Variants in DYNC2H1 observed in about 807,000 individuals in gnomAD.
The protein encoded by DYNC2H1 is dynein cytoplasmic 2 heavy chain 1.
A neutral mutation model predicts 570.0 loss-of-function variants in DYNC2H1; 410 were observed. The observed-to-expected ratio is 0.72, with a 90% confidence interval of 0.66 to 0.78. DYNC2H1 has a LOEUF of 0.78. Among genes scored for constraint, DYNC2H1 ranks in the 30% least tolerant of loss-of-function variants. The probability of loss-of-function intolerance (pLI) is 0.00; values close to 1 mark genes in which losing one functional copy is unlikely to be tolerated. For missense variants in DYNC2H1, 4,865 were observed against 5,046.4 expected (o/e 0.96, Z 1.09); for synonymous variants, 1,688 against 1,677.6 (o/e 1.01, Z -0.15).
chr11:103,362,941 G>A (rs1289390467), intron 83 of DYNC2H1, among the ~76,000 whole-genome samples: 2 of 152,086 alleles, frequency 1.3e-5, no homozygotes, highest in Non-Finnish European at 2.9e-5. Flanking sequence ...TGAGGCAGGA[G>A]AATCACCTGA....
intron 75 of DYNC2H1, among the ~76,000 whole-genome samples, chr11:103,290,998 A>T (rs528539403): frequency 6.6e-6 from 1 of 152,218 alleles, no homozygotes; most frequent in African/African-American, 2.4e-5. Flanking sequence ...CATTTCTCCA[A>T]AAGCAGCCAT....
chr11:103,454,684 G>A (rs868820854), intron 85 of DYNC2H1, among the ~76,000 whole-genome samples: 1 of 152,104 alleles, frequency 6.6e-6, no homozygotes. Context: ...ATATTGATAT[G>A]TATTTCTCCA....
chr11:103,147,255 AAAGT>A (rs1860284980), intron 18 of DYNC2H1, among the ~76,000 whole-genome samples: 1 of 152,176 alleles, frequency 6.6e-6, no homozygotes, highest in African/African-American at 2.4e-5. Context: ...TTGAAGATTC[AAAGT>A]AACCATTCAT....
intron 12 of DYNC2H1, among the ~76,000 whole-genome samples, chr11:103,127,182 C>G (rs1028123301): frequency 6.6e-6 from 1 of 151,994 alleles, no homozygotes; most frequent in Non-Finnish European, 1.5e-5. Flanking sequence ...TCAGTCAGAG[C>G]GACTACTTAA....
chr11:103,215,913 G>C, intron 55 of DYNC2H1, 55 bp downstream of exon 55: 1 of 1,553,250 alleles, frequency 6.4e-7, no homozygotes, highest in Non-Finnish European at 8.7e-7. Flanking sequence ...ATTTATGCCT[G>C]ATAGTCAGTG....
At chr11:103,175,900 TA>T (rs1055239438) in intron 36 of DYNC2H1, among the ~76,000 whole-genome samples, 2 of 152,170 alleles carry the variant, frequency 1.3e-5, no homozygotes, top group Non-Finnish European at 2.9e-5. Context: ...ACCTACTTTA[TA>T]GGGTTGTTAA....
Position 103,307,805 on chromosome 11 carries a change from C to G in DYNC2H1, c.11467C>G (p.Gln3823Glu), listed in dbSNP as rs761142209. The G allele has an allele frequency of 6.3e-7, 1 of 1,599,804 alleles. No homozygotes were observed. ...VHPNFTPILL[Q>E]SSLKITYESP... is the part of the protein sequence containing the mutation. ...TCCCAACTTTACTCCTATTTTACTA[C>G]AGTCAAGTCTGAAGATAACATATGA... is the stretch of plus-strand genomic sequence containing the variant. Residue 3823 changes from glutamine to glutamate, a missense_variant, in exon 78 of 89, where the codon CAG becomes GAG. Physicochemically the swap from Gln to Glu is conservative, Grantham distance 29. Around this residue, in one of 5 missense-constraint regions of DYNC2H1, gnomAD observed 2,401 missense variants for 2,454.6 expected, o/e 0.98. Transcript: ENST00000375735.
At chr11:103,178,978 CA>C (rs754729328) in intron 38 of DYNC2H1, 47 bp from the exon 39 acceptor site, 1 of 1,496,292 alleles carries the variant, frequency 6.7e-7, no homozygotes. Flanking sequence ...TAATTATTAT[CA>C]CTGCATATAT....
intron 83 of DYNC2H1, among the ~76,000 whole-genome samples, chr11:103,364,449 T>C (rs1014483034): frequency 2.0e-5 from 3 of 152,176 alleles, no homozygotes; most frequent in African/African-American, 7.2e-5. Flanking sequence ...GAATCCCAAC[T>C]TCTGTGTCAT....
chr11:103,337,919 G>A (rs931945806), intron 82 of DYNC2H1, among the ~76,000 whole-genome samples: 4 of 152,012 alleles, frequency 2.6e-5, no homozygotes, highest in African/African-American at 9.7e-5. Flanking sequence ...TTGGTTTCTT[G>A]TGCTTTTGAA....
intron 78 of DYNC2H1, 81 bp from the exon 79 acceptor site, chr11:103,311,797 T>G (rs1223270900): frequency 1.4e-6 from 2 of 1,403,404 alleles, no homozygotes; most frequent in African/African-American, 1.5e-5. Flanking sequence ...TTCTTTAAAT[T>G]ATGTTCTTAA....
At chr11:103,149,823 G>C (rs1860447923) in intron 20 of DYNC2H1, among the ~76,000 whole-genome samples, 1 of 151,888 alleles carries the variant, frequency 6.6e-6, no homozygotes, top group Non-Finnish European at 1.5e-5. Flanking sequence ...GAGAGAGAGA[G>C]AGGGAGGAGA....
At chr11:103,294,412 T>G (rs764396235) in intron 75 of DYNC2H1, among the ~76,000 whole-genome samples, 6 of 152,180 alleles carry the variant, frequency 3.9e-5, no homozygotes, top group Non-Finnish European at 8.8e-5. Flanking sequence ...CTGTTTTCAC[T>G]AAAGCTGTTT....
intron 72 of DYNC2H1, among the ~76,000 whole-genome samples, 168 bp downstream of exon 72, chr11:103,282,397 A>T (rs1360716048): frequency 6.6e-6 from 1 of 152,008 alleles, no homozygotes; most frequent in East Asian, 1.9e-4. Flanking sequence ...ATAGACAAGT[A>T]TATTTGTTTA....
At position 103,188,626 on chromosome 11, in the gene DYNC2H1, A is replaced by G; in HGVS notation, c.7270A>G (p.Ile2424Val). 1.2e-6 allele frequency: 2 copies of G among 1,607,998 alleles called. No homozygotes were observed. ...TAAACTTACTACCAGATTTACTTCC[A>G]TCGTTCGTCTTTGTTCTATAGAGTA... ...RHKLTTRFTS[I>V]VRLCSIDYPE... The change falls in exon 44 of 89, where the codon ATC (isoleucine) becomes GTC (valine). Residue 2424 changes from isoleucine (I) to valine (V), a missense_variant. This residue lies in a region of DYNC2H1 where 2,401 missense variants were observed against 2,454.6 expected (regional missense o/e 0.98). Transcript: ENST00000375735.
chr11:103,213,638 AAT>A (rs1863249851), intron 54 of DYNC2H1, among the ~76,000 whole-genome samples: 1 of 151,968 alleles, frequency 6.6e-6, no homozygotes, highest in African/African-American at 2.4e-5. Flanking sequence ...AAAAAAAAAA[AAT>A]CTATTCAGAT....
chr11:103,234,274 GATAA>G, intron 61 of DYNC2H1, 114 bp downstream of exon 61: 9 of 1,240,330 alleles, frequency 7.3e-6, no homozygotes, highest in Non-Finnish European at 9.8e-6. Context: ...CCTGGCTCAG[GATAA>G]ATAATCTGGA....
intron 84 of DYNC2H1, among the ~76,000 whole-genome samples, chr11:103,420,151 C>T (rs1357790931): frequency 6.6e-6 from 1 of 151,674 alleles, no homozygotes; most frequent in Non-Finnish European, 1.5e-5. Context: ...GAGACCTAAC[C>T]TCTGACTGAC....
chr11:103,395,492 TACACACAC>T lies in DYNC2H1; in HGVS notation c.12157-4154_12157-4147del, dbSNP rs35986938. Among the ~76,000 whole-genome samples, 875 of 149,926 alleles carry T rather than the reference TACACACAC, an allele frequency of 5.8e-3. 8 individuals carry two copies. The highest frequency in any genetic ancestry group is 0.01 in the Middle Eastern group (3 of 288). Reference sequence around the variant, plus strand: ...TATCATATATATATTTATGTATATGTACACACACACACACACACACACACTTCTCTGTA... The same window carrying T: ...TATCATATATATATTTATGTATATGTACACACACACACACACTTCTCTGTA... On this transcript the variant is annotated intron_variant, in intron 83 of 88. Coordinates refer to ENST00000375735, the MANE Select transcript of DYNC2H1 (RefSeq NM_001377.3). The surrounding 1 kb of genome is among the most constrained non-coding windows in gnomAD (Gnocchi z 4.3).
Sources: allele counts gnomAD v4.1 joint callset (sites outside exome capture counted in the v4.1 genomes callset), GRCh38; gene constraint gnomAD v4.1.1; regional missense constraint gnomAD v4.1.1; non-coding constraint Gnocchi (gnomAD v3.1); transcripts MANE v1.5; gene names NCBI Gene and HGNC (gene_info 2026-07-23, HGNC 2026-07-21).